Variants in TMTC1 observed in about 807,000 individuals in gnomAD.
TMTC1 encodes protein O-mannosyl-transferase TMTC1.
Under a neutral mutation model 104.8 loss-of-function variants are expected in TMTC1, and 73 were observed. The observed-to-expected ratio is 0.70, with a 90% CI of 0.58 to 0.85. The LOEUF (loss-of-function observed/expected upper bound fraction) is 0.85. Ranked by LOEUF, TMTC1 falls within the 40% of genes least tolerant of loss-of-function variation. The probability of loss-of-function intolerance (pLI) is 0.00; values close to 1 mark genes in which losing one functional copy is unlikely to be tolerated. For synonymous variants in TMTC1, 434 were observed against 428.7 expected (o/e 1.01, Z -0.15); for missense variants, 1,035 against 1,096.1 (o/e 0.94, Z 0.79).
At chr12:29,528,983 C>G (rs1380687947) in intron 11 of TMTC1, among the ~76,000 whole-genome samples, 1 of 152,098 alleles carries the variant, frequency 6.6e-6, no homozygotes, top group East Asian at 1.9e-4. Context: ...TGACTTCAGA[C>G]AGCTGGATTC....
At chr12:29,532,057 T>A (rs1233545603) in intron 11 of TMTC1, among the ~76,000 whole-genome samples, 1 of 152,102 alleles carries the variant, frequency 6.6e-6, no homozygotes, top group Non-Finnish European at 1.5e-5. Flanking sequence ...AATGAGAAGG[T>A]TAAAAAAATT....
At chr12:29,638,508 A>G (rs1190405574) in intron 5 of TMTC1, among the ~76,000 whole-genome samples, 3 of 152,106 alleles carry the variant, frequency 2.0e-5, no homozygotes, top group Non-Finnish European at 4.4e-5. Flanking sequence ...TTTCTGGTAC[A>G]CTAGGGCAAG....
chr12:29,739,294 TACACAC>T (rs60837035), intron 5 of TMTC1, among the ~76,000 whole-genome samples: 1 of 150,710 alleles, frequency 6.6e-6, no homozygotes. Flanking sequence ...CGCATTCATG[TACACAC>T]ACACACACAC....
At chr12:29,664,538 T>A (rs925077253) in intron 5 of TMTC1, among the ~76,000 whole-genome samples, 9 of 152,194 alleles carry the variant, frequency 5.9e-5, no homozygotes, top group Non-Finnish European at 1.0e-4. Context: ...ATCTGTGAAG[T>A]AGAACCAAAT....
chr12:29,581,308 C>T (rs1196363628), intron 8 of TMTC1, among the ~76,000 whole-genome samples: 1 of 152,112 alleles, frequency 6.6e-6, no homozygotes, highest in Non-Finnish European at 1.5e-5. Context: ...CTTTTAAAGT[C>T]TCAGATTCTT....
intron 10 of TMTC1, among the ~76,000 whole-genome samples, chr12:29,555,332 T>A (rs189050863): frequency 1.2e-3 from 184 of 151,920 alleles, no homozygotes; most frequent in African/African-American, 4.2e-3. Context: ...TTATTTATTT[T>A]TTTAAAATTA....
intron 5 of TMTC1, among the ~76,000 whole-genome samples, chr12:29,702,974 G>A (rs1054165108): frequency 1.3e-5 from 2 of 151,810 alleles, no homozygotes; most frequent in Admixed American, 6.6e-5. Context: ...GTGAAACTGC[G>A]TCTCTACTAA....
At chr12:29,633,822 T>C (rs903625815) in intron 5 of TMTC1, among the ~76,000 whole-genome samples, 1 of 152,218 alleles carries the variant, frequency 6.6e-6, no homozygotes, top group African/African-American at 2.4e-5. Context: ...GCAGGTGTCC[T>C]TGCTGACAAG....
At chr12:29,594,210 C>T (rs147110022) in intron 7 of TMTC1, among the ~76,000 whole-genome samples, 1 of 152,222 alleles carries the variant, frequency 6.6e-6, no homozygotes, top group Non-Finnish European at 1.5e-5. Flanking sequence ...GGAAAACCAC[C>T]TTCTCTACTC....
intron 10 of TMTC1, among the ~76,000 whole-genome samples, chr12:29,542,120 T>C (rs988181625): frequency 2.0e-5 from 3 of 152,228 alleles, no homozygotes; most frequent in African/African-American, 7.2e-5. Flanking sequence ...CTCTGAGTTA[T>C]ATTGAAAGGC....
chr12:29,639,193 C>T (rs1938712411), intron 5 of TMTC1, among the ~76,000 whole-genome samples: 1 of 152,314 alleles, frequency 6.6e-6, no homozygotes, highest in African/African-American at 2.4e-5. Flanking sequence ...TGAGAACACA[C>T]ACACATTACA....
chr12:29,644,866 G>A (rs2136570530), intron 5 of TMTC1, among the ~76,000 whole-genome samples: 1 of 152,220 alleles, frequency 6.6e-6, no homozygotes, highest in Middle Eastern at 3.4e-3. Flanking sequence ...AACTCTCACA[G>A]GTCCTTGAAC....
intron 9 of TMTC1, 108 bp from the exon 10 acceptor site, chr12:29,557,108 A>G (rs1945266350): frequency 1.6e-6 from 2 of 1,234,886 alleles, no homozygotes; most frequent in Non-Finnish European, 2.2e-6. Flanking sequence ...GAAACACTGA[A>G]TTATTCTTGT....
intron 5 of TMTC1, among the ~76,000 whole-genome samples, chr12:29,744,928 T>G (rs1254758500): frequency 6.6e-6 from 1 of 151,108 alleles, no homozygotes; most frequent in Non-Finnish European, 1.5e-5. Flanking sequence ...GTACTTAACT[T>G]TTTTTTTTCT....
intron 5 of TMTC1, among the ~76,000 whole-genome samples, chr12:29,661,852 T>C (rs561701703): frequency 3.9e-5 from 6 of 152,156 alleles, no homozygotes; most frequent in Non-Finnish European, 7.4e-5. Flanking sequence ...CCAAACTAGG[T>C]TACAAGAACG....
At chr12:29,723,399 G>C (rs1942293212) in intron 5 of TMTC1, among the ~76,000 whole-genome samples, 1 of 152,158 alleles carries the variant, frequency 6.6e-6, no homozygotes, top group South Asian at 2.1e-4. Context: ...AGACTAGGTA[G>C]TATTAGCATG....
intron 5 of TMTC1, among the ~76,000 whole-genome samples, chr12:29,702,803 CCATCATACCA>C (rs1941634991): frequency 6.6e-6 from 1 of 151,970 alleles, no homozygotes; most frequent in African/African-American, 2.4e-5. Flanking sequence ...AAAAAATAGT[CCATCATACCA>C]CACAGCTAAG....
chr12:29,734,136 A>G (rs1457164405), intron 5 of TMTC1, among the ~76,000 whole-genome samples: 1 of 152,196 alleles, frequency 6.6e-6, no homozygotes, highest in Non-Finnish European at 1.5e-5. Flanking sequence ...TTTCCCACTG[A>G]GCAGACAAAA....
intron 5 of TMTC1, among the ~76,000 whole-genome samples, chr12:29,701,399 G>A (rs896406101): frequency 6.6e-6 from 1 of 152,148 alleles, no homozygotes; most frequent in Non-Finnish European, 1.5e-5. Context: ...GTCCATTCCT[G>A]CAAGATGGAG....
Sources: gnomAD v4.1 joint callset for allele counts (sites outside exome capture counted in the v4.1 genomes callset) on GRCh38, gnomAD v4.1.1 for gene constraint, MANE v1.5 for transcripts, NCBI Gene and HGNC (gene_info 2026-07-23, HGNC 2026-07-21) for gene names.